Variants in ARHGAP6 observed in about 807,000 individuals in gnomAD.
ARHGAP6 encodes Rho GTPase activating protein 6.
A neutral mutation model predicts 55.7 loss-of-function variants in ARHGAP6; 16 were observed. The ratio of observed to expected loss-of-function variants is 0.29; its 90% confidence interval spans 0.19 to 0.44. The LOEUF (loss-of-function observed/expected upper bound fraction) is 0.44, where lower values mean the gene tolerates loss of function less well. ARHGAP6 is among the 20% of genes least tolerant of loss of function. ARHGAP6 has a pLI of 1.00. For missense variants in ARHGAP6, 698 were observed against 808.9 expected (o/e 0.86, Z 1.66); for synonymous variants, 382 against 360.9 (o/e 1.06, Z -0.66).
chrX:11,348,367 C>T (rs1355712034), intron 1 of ARHGAP6, among the ~76,000 whole-genome samples: 1 of 111,887 alleles, frequency 8.9e-6, no homozygotes, highest in Non-Finnish European at 1.9e-5. Context: ...AAAGGGAACC[C>T]CATTCTCACC....
At chrX:11,481,316 G>C in intron 1 of ARHGAP6, among the ~76,000 whole-genome samples, 1 of 111,747 alleles carries the variant, frequency 8.9e-6, no homozygotes, top group Non-Finnish European at 1.9e-5. Context: ...TCACATGCAC[G>C]CACACCCACA....
At position 11,139,182 on chromosome X, in the gene ARHGAP6, C is replaced by A; in HGVS notation, c.2606G>T (p.Arg869Ile). Residue 869 changes from arginine to isoleucine, a missense_variant, in exon 13 of 13, where the codon AGA becomes ATA. Coordinates refer to ENST00000337414, the MANE Select transcript of ARHGAP6 (RefSeq NM_013427.3). ...LQSRATPQCQ[R>I]PHGSGRDDKR... ...GTCATCCCTCCCACTCCCATGGGGT[C>A]TTTGGCACTGAGGTGTGGCCCGGCT... is the stretch of plus-strand genomic sequence containing the variant. 2 of 1,206,665 alleles carry A rather than the reference C, an allele frequency of 1.7e-6. No homozygotes were observed. Among genetic ancestry groups the A allele is most frequent in the Non-Finnish European group, 2.2e-6 (2 of 894,067 alleles).
intron 1 of ARHGAP6, among the ~76,000 whole-genome samples, chrX:11,315,244 G>C (rs1373441284): frequency 1.8e-5 from 2 of 112,529 alleles, no homozygotes; most frequent in African/African-American, 3.2e-5. Context: ...CTTTTCCACA[G>C]ACAGTGCGGC....
chrX:11,527,315 A>G (rs1292789116), intron 1 of ARHGAP6, among the ~76,000 whole-genome samples: 1 of 111,787 alleles, frequency 8.9e-6, no homozygotes, highest in African/African-American at 3.2e-5. Context: ...GATTTCAAAT[A>G]CGAATTAACC....
intron 1 of ARHGAP6, among the ~76,000 whole-genome samples, chrX:11,330,287 G>C (rs1391827755): frequency 8.9e-6 from 1 of 112,708 alleles, no homozygotes; most frequent in African/African-American, 3.2e-5. Flanking sequence ...CATAATTACA[G>C]AGAGTAAATT....
At chrX:11,425,122 C>T (rs1183375831) in intron 1 of ARHGAP6, among the ~76,000 whole-genome samples, 4 of 111,570 alleles carry the variant, frequency 3.6e-5, no homozygotes, top group Admixed American at 9.5e-5. Flanking sequence ...CTTGGACAAA[C>T]GAAAAAGCAC....
At chrX:11,628,715 A>G (rs1376671425) in intron 1 of ARHGAP6, among the ~76,000 whole-genome samples, 1 of 112,480 alleles carries the variant, frequency 8.9e-6, no homozygotes, top group Non-Finnish European at 1.9e-5. Flanking sequence ...CGTGAAAGCA[A>G]GTGAGCAATG....
intron 1 of ARHGAP6, among the ~76,000 whole-genome samples, chrX:11,328,071 A>G (rs1433217764): frequency 8.9e-6 from 1 of 112,509 alleles, no homozygotes; most frequent in Non-Finnish European, 1.9e-5. Flanking sequence ...GTGATAGTTC[A>G]TATTGAATCC....
chrX:11,469,188 G>T (rs2050324183), intron 1 of ARHGAP6, among the ~76,000 whole-genome samples: 1 of 112,678 alleles, frequency 8.9e-6, no homozygotes, highest in East Asian at 2.8e-4. Context: ...AAGTCTTTTA[G>T]AATATGATAA....
intron 1 of ARHGAP6, among the ~76,000 whole-genome samples, chrX:11,511,297 G>A (rs2050782786): frequency 8.9e-6 from 1 of 112,077 alleles, no homozygotes; most frequent in African/African-American, 3.2e-5. Context: ...TAAAATAGAG[G>A]AAGGAGACAT....
chrX:11,605,118 A>G (rs1201019005), intron 1 of ARHGAP6, among the ~76,000 whole-genome samples: 1 of 111,573 alleles, frequency 9.0e-6, no homozygotes, highest in Non-Finnish European at 1.9e-5. Flanking sequence ...AGGAGATAAG[A>G]GTTGGTGATT....
chrX:11,465,292 A>T (rs1405021097), intron 1 of ARHGAP6, among the ~76,000 whole-genome samples: 2 of 112,138 alleles, frequency 1.8e-5, no homozygotes, highest in African/African-American at 3.2e-5. Context: ...AAGGAAACTT[A>T]GGCTCAGAGA....
chrX:11,413,475 T>C (rs767512686), intron 1 of ARHGAP6, among the ~76,000 whole-genome samples: 2 of 112,331 alleles, frequency 1.8e-5, no homozygotes, highest in Admixed American at 9.4e-5. Context: ...ACTGGCTGCA[T>C]TGGCAGGACC....
At chrX:11,503,591 T>G (rs557593361) in intron 1 of ARHGAP6, among the ~76,000 whole-genome samples, 120 of 111,657 alleles carry the variant, frequency 1.1e-3, no homozygotes, top group African/African-American at 3.0e-3. Flanking sequence ...TGATTACTCT[T>G]TAGCCCTTGC....
At chrX:11,157,951 A>T (rs1038817155) in intron 9 of ARHGAP6, among the ~76,000 whole-genome samples, 3 of 111,884 alleles carry the variant, frequency 2.7e-5, no homozygotes, top group African/African-American at 9.8e-5. Context: ...TCCTCTCTCC[A>T]TTCAGAGCCA....
chrX:11,553,494 C>T (rs772098372), intron 1 of ARHGAP6, among the ~76,000 whole-genome samples: 4 of 111,798 alleles, frequency 3.6e-5, no homozygotes, highest in African/African-American at 9.7e-5. Flanking sequence ...CTGCCTGCCT[C>T]GGCCTCCCAA....
intron 1 of ARHGAP6, among the ~76,000 whole-genome samples, chrX:11,424,087 C>T (rs950121612): frequency 8.9e-6 from 1 of 112,512 alleles, no homozygotes; most frequent in African/African-American, 3.2e-5. Context: ...CACTGAAGGT[C>T]CAACATTTGG....
intron 1 of ARHGAP6, among the ~76,000 whole-genome samples, chrX:11,378,791 C>G (rs1375117351): frequency 8.9e-6 from 1 of 112,454 alleles, no homozygotes; most frequent in Non-Finnish European, 1.9e-5. Context: ...ATTCTTTTGG[C>G]TGGCTTTTAA....
chrX:11,286,266 T>G (rs1353726489), intron 1 of ARHGAP6, among the ~76,000 whole-genome samples: 2 of 112,019 alleles, frequency 1.8e-5, no homozygotes, highest in Non-Finnish European at 3.8e-5. Flanking sequence ...AGTTCTTTAG[T>G]GGTGATTTGT....
Sources: gnomAD v4.1 joint callset for allele counts (sites outside exome capture counted in the v4.1 genomes callset) on GRCh38, gnomAD v4.1.1 for gene constraint, MANE v1.5 for transcripts, NCBI Gene and HGNC (gene_info 2026-07-23, HGNC 2026-07-21) for gene names.